FMO5: variants seen among roughly 807,000 people sequenced by gnomAD.
The protein encoded by FMO5 is flavin-containing monooxygenase 5.
In FMO5, 51 loss-of-function variants were observed where a neutral mutation model predicts 43.6. The ratio of observed to expected loss-of-function variants is 1.17; its 90% CI spans 0.93 to 1.48. The LOEUF is 1.48. Ranked by LOEUF, FMO5 falls within the 40% of genes most tolerant of loss-of-function variation. The pLI, the probability that FMO5 is intolerant of heterozygous loss-of-function variation, is 0.00. For synonymous variants in FMO5, 187 were observed against 216.5 expected (o/e 0.86, Z 1.20); for missense variants, 644 against 643.0 (o/e 1.00, Z -0.02).
chr1:147,213,828 CCCCTATATGTCCTGAGA>C (rs1169624697), intron 3 of FMO5, among the ~76,000 whole-genome samples: 2 of 152,106 alleles, frequency 1.3e-5, no homozygotes. Flanking sequence ...CTTCTCCTGA[CCCCTATATGTCCTGAGA>C]CCTTCTGATG....
chr1:147,198,871 A>AG (rs1187196942), intron 7 of FMO5, among the ~76,000 whole-genome samples: 1 of 150,752 alleles, frequency 6.6e-6, no homozygotes, highest in Admixed American at 6.6e-5. Context: ...AAAAAAAAAA[A>AG]AAAAGAAAGA....
intron 7 of FMO5, among the ~76,000 whole-genome samples, chr1:147,192,057 G>A (rs1656963632): frequency 6.6e-6 from 1 of 152,218 alleles, no homozygotes; most frequent in Non-Finnish European, 1.5e-5. Context: ...GAAAGTCATT[G>A]GTCACTTGAT....
In FMO5 at chr1:147,215,741, C is replaced by T. The variant is rs1553924831; in HGVS notation, c.324+13G>A. 9.5e-6 allele frequency: 15 copies of T among 1,574,380 alleles called. No homozygotes were observed. In the Admixed American group the frequency reaches 2.1e-4, roughly 22 times the overall value. ...ACAACTTCAAACACAAAGATACCCACACAATTTTCTACCTTAAATCGAATA... is the reference window on the plus strand; with the variant it reads ...ACAACTTCAAACACAAAGATACCCATACAATTTTCTACCTTAAATCGAATA... On this transcript the variant is annotated intron_variant, in intron 3 of 8. Coordinates refer to ENST00000254090, the MANE Select transcript of FMO5 (RefSeq NM_001461.4).
chr1:147,195,325 G>T (rs185351819), intron 7 of FMO5, among the ~76,000 whole-genome samples: 1 of 151,974 alleles, frequency 6.6e-6, no homozygotes, highest in Non-Finnish European at 1.5e-5. Context: ...TAGAGACGAG[G>T]TTTCACCATA....
chr1:147,196,204 A>G (rs1181832397), intron 7 of FMO5, among the ~76,000 whole-genome samples: 1 of 152,142 alleles, frequency 6.6e-6, no homozygotes, highest in Admixed American at 6.5e-5. Context: ...CTCTTAAAAT[A>G]TGGAACTCAG....
chr1:147,198,902 G>A (rs1002917357), intron 7 of FMO5, among the ~76,000 whole-genome samples: 1 of 148,060 alleles, frequency 6.8e-6, no homozygotes, highest in Non-Finnish European at 1.5e-5. Context: ...TGAAATTGGA[G>A]GTTGTATCCA....
chr1:147,223,979 A>C (rs956751916), intron 2 of FMO5: 2 of 411,016 alleles, frequency 4.9e-6, no homozygotes, highest in Non-Finnish European at 9.6e-6. Context: ...GGTTAACACA[A>C]TCACCACCTT....
chr1:147,184,581 G>C, downstream of FMO5: 1 of 1,548,404 alleles, frequency 6.5e-7, no homozygotes. The surrounding 1 kb of genome is among the most constrained non-coding windows in gnomAD (Gnocchi z 4.4). Context: ...TCAGGTATTT[G>C]TAGAATATTC....
intron 8 of FMO5, 137 bp downstream of exon 8, chr1:147,190,040 A>G (rs1656399295): frequency 3.5e-6 from 2 of 579,608 alleles, no homozygotes; most frequent in African/African-American, 3.8e-5. Flanking sequence ...TATTGTCACA[A>G]ATTATTTTTC....
chr1:147,195,420 AC>A (rs200458375), intron 7 of FMO5, among the ~76,000 whole-genome samples: 2,504 of 152,228 alleles, frequency 0.016, 80 homozygotes, highest in African/African-American at 0.057. Flanking sequence ...GGCATGAGCC[AC>A]CATGCCCAGC....
chr1:147,198,968 A>C (rs1658518022), intron 7 of FMO5, among the ~76,000 whole-genome samples: 1 of 151,842 alleles, frequency 6.6e-6, no homozygotes, highest in Admixed American at 6.6e-5. Context: ...TGTGATCCAG[A>C]GATTTGGTGT....
chr1:147,200,725 A>G (rs1658825903), intron 7 of FMO5, among the ~76,000 whole-genome samples: 1 of 152,206 alleles, frequency 6.6e-6, no homozygotes, highest in Admixed American at 6.5e-5. Context: ...GCCGAAATAA[A>G]GTCATACTAT....
At chr1:147,218,553 C>T (rs779073262) in intron 2 of FMO5, among the ~76,000 whole-genome samples, 18 of 152,224 alleles carry the variant, frequency 1.2e-4, no homozygotes, top group Non-Finnish European at 1.6e-4. Context: ...GCAGAATTTA[C>T]CTTCCACACC....
downstream of FMO5, chr1:147,184,685 C>A: frequency 7.0e-7 from 1 of 1,437,314 alleles, no homozygotes; most frequent in Non-Finnish European, 9.1e-7. This position sits in a 1 kb window ranked among gnomAD's most constrained non-coding sequence, Gnocchi z 4.4. Context: ...GCCTTCTCAT[C>A]ACTTCATCTC....
chr1:147,197,785 G>A (rs1553920117), intron 7 of FMO5, among the ~76,000 whole-genome samples: 1 of 152,178 alleles, frequency 6.6e-6, no homozygotes, highest in African/African-American at 2.4e-5. Flanking sequence ...GGCTAACACA[G>A]TCTTCCTTGC....
In FMO5 at chr1:147,186,889, C is replaced by T. The variant is rs782208258; in HGVS notation, c.*11G>A. 1 of 1,604,030 alleles carries T rather than the reference C, an allele frequency of 6.2e-7. No individual in the cohort carries two copies. Among genetic ancestry groups the T allele is most frequent in the Admixed American group, 1.7e-5 (1 of 59,460 alleles). On this transcript the variant is annotated 3_prime_UTR_variant, in exon 9 of 9. Transcript: ENST00000254090. ...TTCCCAATGAAAAACAGGGCAGTGA[C>T]AATAGGACAACTAGAAGTAAGCTAT...
At chr1:147,209,190 C>T (rs1436107654) in intron 5 of FMO5, 139 bp from the exon 6 acceptor site, 7 of 578,142 alleles carry the variant, frequency 1.2e-5, no homozygotes, top group Non-Finnish European at 2.1e-5. Context: ...GAGGCCAAGG[C>T]GGGCGGATCA....
chr1:147,203,823 T>C (rs879947672), intron 6 of FMO5: 1 of 1,558,840 alleles, frequency 6.4e-7, no homozygotes, highest in Non-Finnish European at 8.8e-7. Context: ...GTAGAAATGA[T>C]GCCATCTTCC....
intron 7 of FMO5, among the ~76,000 whole-genome samples, chr1:147,190,660 A>C (rs1656544265): frequency 6.6e-6 from 1 of 152,014 alleles, no homozygotes; most frequent in African/African-American, 2.4e-5. Context: ...ATCAACAGAA[A>C]GAGAATGAAG....
Sources: allele counts gnomAD v4.1 joint callset (sites outside exome capture counted in the v4.1 genomes callset), GRCh38; gene constraint gnomAD v4.1.1; non-coding constraint Gnocchi (gnomAD v3.1); transcripts MANE v1.5; gene names NCBI Gene and HGNC (gene_info 2026-07-23, HGNC 2026-07-21).